Variants in RTN4IP1 observed in about 807,000 individuals in gnomAD.
RTN4IP1 encodes NAD(P)H oxidoreductase RTN4IP1, mitochondrial.
In RTN4IP1, 32 loss-of-function variants were observed where a neutral mutation model predicts 46.6. The observed-to-expected ratio is 0.69, with a 90% CI of 0.52 to 0.92. RTN4IP1 has a LOEUF of 0.92. RTN4IP1 is among the 40% of genes least tolerant of loss of function. RTN4IP1 has a pLI of 0.00. For missense variants in RTN4IP1, 424 were observed against 485.8 expected (o/e 0.87, Z 1.20); for synonymous variants, 167 against 161.8 (o/e 1.03, Z -0.24).
At chr6:106,616,920 G>A (rs1178830548) in intron 4 of RTN4IP1, among the ~76,000 whole-genome samples, 1 of 152,198 alleles carries the variant, frequency 6.6e-6, no homozygotes, top group African/African-American at 2.4e-5. Context: ...AAATTCGTAT[G>A]TTGAAATCCT....
rs754198278 is a variant in RTN4IP1 at position 106,572,011 on chromosome 6, TAC to T, written c.1174_1175del (p.Val392AsnfsTer2). 1.9e-6 allele frequency: 3 copies of T among 1,611,668 alleles called. No individual in the cohort carries two copies. The highest frequency in any genetic ancestry group is 2.5e-6 in the Non-Finnish European group (3 of 1,178,024). ...VERGHARGKT[V>X]INVV is the part of the protein sequence containing the mutation. The stretch of plus-strand genomic sequence containing the variant: ...GCATTTTTATTTAAACAACATTAAT[TAC>T]AGTCTTTCCTCGTGCGTGTCCTCTT... On this transcript the variant is annotated frameshift_variant, in exon 9 of 9. Coordinates refer to ENST00000369063, the MANE Select transcript of RTN4IP1 (RefSeq NM_032730.5). LOFTEE classifies it high-confidence loss of function.
chr6:106,629,571 AG>A (rs1260177565), upstream of RTN4IP1: 1 of 1,348,078 alleles, frequency 7.4e-7, no homozygotes, highest in Non-Finnish European at 1.0e-6. Flanking sequence ...TCGGTGTTGA[AG>A]GGCTCAGTGA....
At position 106,571,968 on chromosome 6, in the gene RTN4IP1, G is replaced by A. The variant is rs367768296; in HGVS notation, c.*28C>T. ...TCACAGGCACTCACCAAATAAGAAC[G>A]TCAACAATCACTAAACTGCATTTTT... On this transcript the variant is annotated 3_prime_UTR_variant, in exon 9 of 9. Coordinates refer to ENST00000369063, the MANE Select transcript of RTN4IP1 (RefSeq NM_032730.5). 4.9e-4 allele frequency: 758 copies of A among 1,562,346 alleles called. 1 individual carries two copies. The highest frequency in any genetic ancestry group is 6.0e-4 in the Non-Finnish European group (683 of 1,134,752).
At chr6:106,572,438 C>G (rs1388994696) in intron 8 of RTN4IP1, 2 of 221,646 alleles carry the variant, frequency 9.0e-6, no homozygotes, top group East Asian at 2.0e-4. Context: ...ATCCAGATTC[C>G]ATGCTTTGCA....
chr6:106,585,781 T>C (rs1775468764), intron 7 of RTN4IP1, among the ~76,000 whole-genome samples: 1 of 152,156 alleles, frequency 6.6e-6, no homozygotes. Context: ...ATCTTTCAAG[T>C]AGGAGGAAAA....
At chr6:106,628,260 G>C (rs1333016314) in intron 1 of RTN4IP1, among the ~76,000 whole-genome samples, 2 of 151,936 alleles carry the variant, frequency 1.3e-5, no homozygotes, top group East Asian at 3.9e-4. Flanking sequence ...GAGGTCAGGA[G>C]TTCGAGACCA....
chr6:106,613,912 G>A (rs533846266), intron 4 of RTN4IP1, among the ~76,000 whole-genome samples: 38 of 152,176 alleles, frequency 2.5e-4, no homozygotes, highest in South Asian at 8.3e-4. Context: ...ACTGCCAATC[G>A]GAAAATTTTT....
chr6:106,589,938 C>T (rs542208969), intron 6 of RTN4IP1, among the ~76,000 whole-genome samples: 128 of 152,268 alleles, frequency 8.4e-4, no homozygotes, highest in African/African-American at 3.0e-3. Context: ...AGCATAGCAC[C>T]GCTTTGGGAG....
At chr6:106,609,185 G>A (rs898012222) in intron 4 of RTN4IP1, among the ~76,000 whole-genome samples, 12 of 152,222 alleles carry the variant, frequency 7.9e-5, no homozygotes, top group Non-Finnish European at 1.5e-4. Flanking sequence ...CTTAAGGTCA[G>A]AGACTTCATA....
At chr6:106,620,224 C>A (rs907179078) in intron 3 of RTN4IP1, among the ~76,000 whole-genome samples, 2 of 152,126 alleles carry the variant, frequency 1.3e-5, no homozygotes, top group Non-Finnish European at 2.9e-5. Flanking sequence ...CCTGCCTCAG[C>A]CTCCCAAGTA....
At position 106,602,902 on chromosome 6, in the gene RTN4IP1, G is replaced by A. The variant is rs780797349; in HGVS notation, c.641C>T (p.Ser214Leu). The A allele has an allele frequency of 2.8e-5, 45 of 1,605,684 alleles. No individual in the cohort carries two copies. Among genetic ancestry groups the A allele is most frequent in the Non-Finnish European group, 3.6e-5 (42 of 1,176,724 alleles). ...TGKRVLILGASGGVGTFAIQV... is the reference protein window; with the variant it reads ...TGKRVLILGALGGVGTFAIQV... ...TATAGCAAAAGTACCAACTCCGCCT[G>A]AAGCGCCTAAGATTAGAACACTGAA... is the stretch of plus-strand genomic sequence containing the variant. Residue 214 changes from serine to leucine, a missense_variant, in exon 5 of 9, where the codon TCA becomes TTA. By Grantham distance (145) the Ser-to-Leu change is moderately radical. Coordinates refer to ENST00000369063, the MANE Select transcript of RTN4IP1 (RefSeq NM_032730.5).
intron 5 of RTN4IP1, among the ~76,000 whole-genome samples, chr6:106,602,079 G>C (rs1214408008): frequency 6.6e-6 from 1 of 152,128 alleles, no homozygotes; most frequent in East Asian, 1.9e-4. Flanking sequence ...AGAGGTATGG[G>C]TTTATTTCTG....
chr6:106,626,174 G>A (rs537767857), intron 1 of RTN4IP1, among the ~76,000 whole-genome samples: 22 of 152,218 alleles, frequency 1.4e-4, no homozygotes, highest in Non-Finnish European at 2.8e-4. Context: ...AGAAGATACC[G>A]AGAGAGATGC....
intron 4 of RTN4IP1, among the ~76,000 whole-genome samples, chr6:106,606,622 G>C (rs917732653): frequency 6.6e-6 from 1 of 151,758 alleles, no homozygotes; most frequent in African/African-American, 2.4e-5. Context: ...AGAAATCAAA[G>C]AGGGCTAGGC....
chr6:106,610,074 T>G (rs1405240724), intron 4 of RTN4IP1, among the ~76,000 whole-genome samples: 1 of 152,140 alleles, frequency 6.6e-6, no homozygotes, highest in Non-Finnish European at 1.5e-5. Context: ...TAAATTTTTT[T>G]TTTTTGAGAC....
intron 3 of RTN4IP1, 39 bp downstream of exon 3, chr6:106,621,386 T>A: frequency 6.8e-7 from 1 of 1,465,616 alleles, no homozygotes; most frequent in Non-Finnish European, 9.6e-7. Context: ...AGTCTTTGTT[T>A]AAACTTTCTA....
At chr6:106,594,523 CA>C (rs543061534) in intron 5 of RTN4IP1, among the ~76,000 whole-genome samples, 1 of 150,672 alleles carries the variant, frequency 6.6e-6, no homozygotes, top group Non-Finnish European at 1.5e-5. Flanking sequence ...AAACAAAAAA[CA>C]AAAAAAGAAA....
chr6:106,572,335 C>T (rs1202060628), intron 8 of RTN4IP1: 2 of 453,492 alleles, frequency 4.4e-6, no homozygotes. Flanking sequence ...TCTTACTTCT[C>T]CTCCATGCTG....
chr6:106,608,979 C>G (rs888532866), intron 4 of RTN4IP1, among the ~76,000 whole-genome samples: 3 of 152,192 alleles, frequency 2.0e-5, no homozygotes, highest in African/African-American at 7.2e-5. Flanking sequence ...CTCTGAGACT[C>G]TGTTCCCCTA....
Sources: allele counts gnomAD v4.1 joint callset (sites outside exome capture counted in the v4.1 genomes callset), GRCh38; gene constraint gnomAD v4.1.1; transcripts MANE v1.5; gene names NCBI Gene and HGNC (gene_info 2026-07-23, HGNC 2026-07-21).